SPTBN1: variants seen among roughly 807,000 people sequenced by gnomAD.
The protein encoded by SPTBN1 is spectrin beta, non-erythrocytic 1.
A neutral mutation model predicts 266.4 loss-of-function variants in SPTBN1; 32 were observed. The observed-to-expected ratio is 0.12, with a 90% CI of 0.09 to 0.16. The LOEUF (loss-of-function observed/expected upper bound fraction) is 0.16. Ranked by LOEUF, SPTBN1 falls within the 10% of genes least tolerant of loss-of-function variation. SPTBN1 has a pLI of 1.00. For synonymous variants in SPTBN1, 1,336 were observed against 1,162.2 expected (o/e 1.15, Z -3.04); for missense variants, 2,296 against 3,067.1 (o/e 0.75, Z 5.94).
intron 2 of SPTBN1, chr2:54,546,528 T>A (rs1236657493): frequency 3.3e-5 from 5 of 152,218 alleles, no homozygotes; most frequent in Non-Finnish European, 7.3e-5. Flanking sequence ...TTCCCCTGTG[T>A]TTTGAGGACT....
chr2:54,643,241 T>A, intron 19 of SPTBN1, 112 bp downstream of exon 19: 1 of 1,450,938 alleles, frequency 6.9e-7, no homozygotes, highest in East Asian at 2.5e-5. Flanking sequence ...TACATTTACG[T>A]AAGTTACACA....
intron 2 of SPTBN1, among the ~76,000 whole-genome samples, chr2:54,575,243 C>T (rs1436268483): frequency 6.6e-6 from 1 of 152,172 alleles, no homozygotes; most frequent in East Asian, 1.9e-4. Context: ...AAGTGTCACA[C>T]CTAACCTAGC....
chr2:54,545,241 G>C (rs187412967), intron 2 of SPTBN1: 1 of 152,154 alleles, frequency 6.6e-6, no homozygotes, highest in African/African-American at 2.4e-5. Flanking sequence ...AAACATACGT[G>C]TGCATGTGTC....
intron 1 of SPTBN1, among the ~76,000 whole-genome samples, chr2:54,522,697 G>GAGAGAGAGAGAGAGAAAGAGAA (rs1553439438): frequency 7.2e-5 from 7 of 97,328 alleles, no homozygotes; most frequent in East Asian, 2.8e-4. Flanking sequence ...GAGAGAGAGA[G>GAGAGAGAGAGAGAGAAAGAGAA]AGAAAGAAAG....
At position 54,631,469 on chromosome 2, in the gene SPTBN1, G is replaced by A. The variant is rs756608024; in HGVS notation, c.3422G>A (p.Arg1141Gln). 48 of 1,614,094 alleles carry A rather than the reference G, an allele frequency of 3.0e-5. No homozygotes were observed. The highest frequency in any genetic ancestry group is 4.5e-5 in the East Asian group (2 of 44,896). ...GQTDAQYMFL[R>Q]QRLQALDTGW... ...ACCGATGCCCAGTACATGTTTCTGCGGCAGCGGCTGCAGGCCCTGGACACT... is the reference window on the plus strand; with the variant it reads ...ACCGATGCCCAGTACATGTTTCTGCAGCAGCGGCTGCAGGCCCTGGACACT... Residue 1141 changes from arginine to glutamine, a missense_variant, in exon 16 of 36, where the codon CGG becomes CAG. Transcript: ENST00000356805.
At chr2:54,580,752 A>G (rs1228644058) in intron 2 of SPTBN1, among the ~76,000 whole-genome samples, 1 of 152,116 alleles carries the variant, frequency 6.6e-6, no homozygotes, top group African/African-American at 2.4e-5. Flanking sequence ...AATATGAGAG[A>G]CACACATAAC....
At chr2:54,577,643 G>A (rs898245936) in intron 2 of SPTBN1, among the ~76,000 whole-genome samples, 1 of 152,296 alleles carries the variant, frequency 6.6e-6, no homozygotes, top group Non-Finnish European at 1.5e-5. Context: ...GCGTCCTTGT[G>A]TGATGTGTTA....
intron 1 of SPTBN1, among the ~76,000 whole-genome samples, chr2:54,498,087 A>G (rs1430272884): frequency 6.6e-6 from 1 of 152,242 alleles, no homozygotes; most frequent in East Asian, 1.9e-4. Context: ...CCAATCTGAA[A>G]AAAACTTTGT....
intron 1 of SPTBN1, among the ~76,000 whole-genome samples, chr2:54,477,115 C>T (rs140517129): frequency 2.1e-4 from 32 of 152,118 alleles, no homozygotes; most frequent in African/African-American, 7.0e-4. Flanking sequence ...GAAATGAGGG[C>T]TCTGATAAGA....
chr2:54,563,108 A>G (rs904823406), intron 2 of SPTBN1, among the ~76,000 whole-genome samples: 6 of 152,140 alleles, frequency 3.9e-5, no homozygotes, highest in Non-Finnish European at 7.3e-5. Context: ...GGTGTTCTGT[A>G]ACTTTCTCCT....
chr2:54,631,002 C>T lies in SPTBN1; in HGVS notation c.2955C>T (p.Gly985=), dbSNP rs764121501. The part of the protein sequence containing the change: ...TKVIESTQDL[G]NDLAGVMALQ... ...TCATCGAGTCCACCCAGGACCTGGG[C>T]AATGACCTGGCTGGCGTCATGGCCC... is the stretch of plus-strand genomic sequence containing the variant. Residue 985 remains glycine, a synonymous_variant, in exon 16 of 36, where the codon GGC becomes GGT. Transcript: ENST00000356805. 1 of 1,614,156 alleles carries T rather than the reference C, an allele frequency of 6.2e-7. No homozygotes were observed. The highest frequency in any genetic ancestry group is 1.1e-5 in the South Asian group (1 of 91,084).
chr2:54,595,666 A>C (rs1407317988), intron 2 of SPTBN1, among the ~76,000 whole-genome samples: 1 of 152,226 alleles, frequency 6.6e-6, no homozygotes, highest in Non-Finnish European at 1.5e-5. Flanking sequence ...GCTGACCTGC[A>C]GGTCATCAAA....
chr2:54,481,395 TG>T (rs1558763857), intron 1 of SPTBN1, among the ~76,000 whole-genome samples: 1 of 26,244 alleles, frequency 3.8e-5, no homozygotes, highest in Non-Finnish European at 7.5e-5. Flanking sequence ...AACCTGAGTG[TG>T]TGTGTGTGTG....
intron 17 of SPTBN1, among the ~76,000 whole-genome samples, chr2:54,636,278 A>C (rs547524709): frequency 2.5e-4 from 38 of 152,352 alleles, no homozygotes; most frequent in African/African-American, 9.1e-4. Flanking sequence ...AAAAAATTAA[A>C]AAGGCATTAT....
intron 1 of SPTBN1, among the ~76,000 whole-genome samples, chr2:54,518,490 A>G (rs886427683): frequency 1.3e-5 from 2 of 151,496 alleles, no homozygotes; most frequent in Admixed American, 6.6e-5. Context: ...TTTCTTGTAG[A>G]TACTCCTTTT....
At chr2:54,537,662 G>A (rs1236903015) in intron 2 of SPTBN1, among the ~76,000 whole-genome samples, 1 of 152,082 alleles carries the variant, frequency 6.6e-6, no homozygotes, top group African/African-American at 2.4e-5. Context: ...AAGGGTGAAG[G>A]GCCCCTAGGA....
At chr2:54,530,349 A>G (rs1206793702) in intron 2 of SPTBN1, among the ~76,000 whole-genome samples, 1 of 85,798 alleles carries the variant, frequency 1.2e-5, no homozygotes, top group African/African-American at 4.1e-5. Flanking sequence ...TGAATTGTAA[A>G]AAACTTTTTT....
intron 6 of SPTBN1, 86 bp downstream of exon 6, chr2:54,617,774 G>A (rs72618664): frequency 0.37 from 496,656 of 1,346,618 alleles, 97,960 homozygotes; most frequent in Admixed American, 0.51. Flanking sequence ...TTCCATATCC[G>A]TTGGCTTAAC....
rs376201173 is a variant in SPTBN1 at position 54,669,588 on chromosome 2, G to C, written c.*1019G>C. 9 of 152,746 alleles carry C rather than the reference G, an allele frequency of 5.9e-5. No homozygotes were observed. The highest frequency in any genetic ancestry group is 2.2e-4 in the African/African-American group (9 of 41,564). 9.5% of individuals were successfully genotyped at this position (152,746 alleles called of 1,614,324 possible). Reference sequence around the variant, plus strand: ...CCTGAACAGGGAGGTGGTCGCTCAGGCCTGGTGCTCAGTCGTACGACCTGT... The same window carrying C: ...CCTGAACAGGGAGGTGGTCGCTCAGCCCTGGTGCTCAGTCGTACGACCTGT... On this transcript the variant is annotated 3_prime_UTR_variant, in exon 36 of 36. Coordinates refer to ENST00000356805, the MANE Select transcript of SPTBN1 (RefSeq NM_003128.3).
Sources: gnomAD v4.1 joint callset for allele counts (sites outside exome capture counted in the v4.1 genomes callset) on GRCh38, gnomAD v4.1.1 for gene constraint, MANE v1.5 for transcripts, NCBI Gene and HGNC (gene_info 2026-07-23, HGNC 2026-07-21) for gene names.